AGBL1: variants seen among roughly 807,000 people sequenced by gnomAD.
AGBL1 encodes the protein AGBL carboxypeptidase 1.
In AGBL1, 130 loss-of-function variants were observed where a neutral mutation model predicts 118.9. The observed-to-expected ratio is 1.09, with a 90% confidence interval of 0.95 to 1.26. The LOEUF (loss-of-function observed/expected upper bound fraction) is 1.26. Among genes scored for constraint, AGBL1 ranks in the 50% most tolerant of loss-of-function variants. The pLI is 0.00. For missense variants in AGBL1, 1,584 were observed against 1,298.1 expected (o/e 1.22, Z -3.38); for synonymous variants, 555 against 478.9 (o/e 1.16, Z -2.08).
At chr15:86,603,257 T>C (rs2084524025) in intron 21 of AGBL1, among the ~76,000 whole-genome samples, 1 of 152,192 alleles carries the variant, frequency 6.6e-6, no homozygotes, top group African/African-American at 2.4e-5. Flanking sequence ...TCAGATTTCC[T>C]TGGTTACAAC....
chr15:86,819,390 T>C (rs1252300170), intron 22 of AGBL1, among the ~76,000 whole-genome samples: 5 of 152,084 alleles, frequency 3.3e-5, no homozygotes, highest in African/African-American at 4.8e-5. Context: ...GAAAACCCCA[T>C]TGTCTCAGCC....
At chr15:86,833,927 C>T (rs549980536) in intron 22 of AGBL1, among the ~76,000 whole-genome samples, 11 of 152,228 alleles carry the variant, frequency 7.2e-5, no homozygotes, top group East Asian at 1.9e-4. Context: ...TAATTAAAGA[C>T]CCTCAGTTTC....
intron 22 of AGBL1, among the ~76,000 whole-genome samples, chr15:86,881,857 T>C (rs1235353910): frequency 6.6e-6 from 1 of 152,138 alleles, no homozygotes; most frequent in Non-Finnish European, 1.5e-5. Context: ...GCTTACATAC[T>C]TTTAAATAAA....
intron 22 of AGBL1, among the ~76,000 whole-genome samples, chr15:86,897,234 C>G (rs917380496): frequency 6.6e-6 from 1 of 152,102 alleles, no homozygotes; most frequent in African/African-American, 2.4e-5. Context: ...TTACATGTTT[C>G]TCAGCTCCAA....
intron 22 of AGBL1, among the ~76,000 whole-genome samples, chr15:86,697,978 CTA>C (rs932906791): frequency 8.5e-4 from 130 of 152,070 alleles, no homozygotes; most frequent in African/African-American, 2.9e-3. Context: ...TTCAAAGAGT[CTA>C]TGAATTTTCT....
chr15:86,768,250 G>A (rs565801317), intron 22 of AGBL1, among the ~76,000 whole-genome samples: 2 of 151,932 alleles, frequency 1.3e-5, no homozygotes, highest in Admixed American at 6.6e-5. Flanking sequence ...CAAATTTCTG[G>A]ACACAAACAT....
At position 86,397,399 on chromosome 15, in the gene AGBL1, T is replaced by A; in HGVS notation, c.2408T>A (p.Val803Asp). ...CCATATCAGGTGATCACTGCTCGAG[T>A]TCATCCAGGAGAGAGCAATGCCAGT... is the stretch of plus-strand genomic sequence containing the variant. Reference protein sequence around the residue: ...HRPYQVITARVHPGESNASWV... With the variant: ...HRPYQVITARDHPGESNASWV... The change falls in exon 18 of 23, where the codon GTT becomes GAT. Residue 803 changes from valine (V) to aspartate (D), a missense_variant. Val to Asp is a radical substitution (Grantham distance 152). Transcript: ENST00000614907. The A allele has an allele frequency of 6.2e-7, 1 of 1,609,976 alleles. No individual in the cohort carries two copies. The highest frequency in any genetic ancestry group is 8.5e-7 in the Non-Finnish European group (1 of 1,177,538).
At chr15:86,095,646 CCTTTT>C (rs146343941) in intron 1 of AGBL1, among the ~76,000 whole-genome samples, 1,668 of 116,664 alleles carry the variant, frequency 0.014, 159 homozygotes, top group Non-Finnish European at 0.018. Context: ...ACCTTGGATA[CCTTTT>C]TTTTTTTTTT....
At chr15:86,888,139 C>G (rs189633251) in intron 22 of AGBL1, among the ~76,000 whole-genome samples, 1 of 151,926 alleles carries the variant, frequency 6.6e-6, no homozygotes, top group African/African-American at 2.4e-5. Flanking sequence ...AAACTTCAGT[C>G]CCTGGGACCA....
chr15:86,319,412 A>G (rs2080068848), intron 17 of AGBL1, among the ~76,000 whole-genome samples: 1 of 152,122 alleles, frequency 6.6e-6, no homozygotes, highest in African/African-American at 2.4e-5. Context: ...AATAAGGTTG[A>G]ACATTTTCTC....
intron 22 of AGBL1, among the ~76,000 whole-genome samples, chr15:86,895,612 T>C (rs1478948483): frequency 1.3e-5 from 2 of 151,750 alleles, no homozygotes; most frequent in South Asian, 2.1e-4. Context: ...ATTAATTTCT[T>C]TTTTCTGCCT....
At chr15:86,881,219 C>A (rs1282643602) in intron 22 of AGBL1, among the ~76,000 whole-genome samples, 3 of 152,064 alleles carry the variant, frequency 2.0e-5, no homozygotes, top group Non-Finnish European at 4.4e-5. Context: ...TAGCATGGAC[C>A]CAATTCTGGC....
At chr15:86,293,307 G>A (rs1217813523) in intron 16 of AGBL1, among the ~76,000 whole-genome samples, 1 of 152,184 alleles carries the variant, frequency 6.6e-6, no homozygotes, top group African/African-American at 2.4e-5. Context: ...CTCACTGGGC[G>A]AAGACCAGGG....
chr15:86,532,791 C>T (rs1481945447), intron 19 of AGBL1, among the ~76,000 whole-genome samples: 2 of 126,074 alleles, frequency 1.6e-5, no homozygotes, highest in African/African-American at 6.2e-5. Context: ...GAACAGAGCC[C>T]TCAGAAATAA....
intron 18 of AGBL1, among the ~76,000 whole-genome samples, chr15:86,508,412 T>A (rs1477893497): frequency 6.6e-6 from 1 of 152,120 alleles, no homozygotes; most frequent in African/African-American, 2.4e-5. Context: ...AAAAAGATTG[T>A]GCTTTAGGTA....
intron 23 of AGBL1, among the ~76,000 whole-genome samples, chr15:86,932,024 A>G (rs1462668136): frequency 2.0e-5 from 3 of 152,184 alleles, no homozygotes; most frequent in Non-Finnish European, 2.9e-5. Context: ...TCATAGAGTT[A>G]TAAAGCTGGA....
intron 17 of AGBL1, chr15:86,296,384 C>T (rs1275300588): frequency 3.9e-5 from 6 of 152,174 alleles, no homozygotes; most frequent in African/African-American, 1.4e-4. Context: ...GGTGAAGATA[C>T]AGCCTTCTCT....
intron 5 of AGBL1, among the ~76,000 whole-genome samples, chr15:86,198,175 A>G (rs2077845893): frequency 6.6e-6 from 1 of 152,188 alleles, no homozygotes; most frequent in Middle Eastern, 3.2e-3. Context: ...GGGACTTGTC[A>G]TCTCTTTCTT....
chr15:86,426,171 T>C (rs2081864207), intron 18 of AGBL1, among the ~76,000 whole-genome samples: 1 of 152,150 alleles, frequency 6.6e-6, no homozygotes, highest in African/African-American at 2.4e-5. Context: ...ACTTGAACAT[T>C]GAAGATTTGT....
Sources: allele counts gnomAD v4.1 joint callset (sites outside exome capture counted in the v4.1 genomes callset), GRCh38; gene constraint gnomAD v4.1.1; transcripts MANE v1.5; gene names NCBI Gene and HGNC (gene_info 2026-07-23, HGNC 2026-07-21).